Variants in GRIN2C observed in about 807,000 individuals in gnomAD.
GRIN2C encodes the protein glutamate ionotropic receptor NMDA type subunit 2C.
GRIN2C carries 64 observed loss-of-function variants against 77.7 expected under a neutral mutation model. The observed-to-expected ratio is 0.82, with a 90% confidence interval of 0.67 to 1.01. The LOEUF is 1.01. Among genes scored for constraint, GRIN2C ranks in the 50% least tolerant of loss-of-function variants. The pLI, the probability that GRIN2C is intolerant of heterozygous loss-of-function variation, is 0.00. For missense variants in GRIN2C, 1,549 were observed against 1,486.0 expected (o/e 1.04, Z -0.70); for synonymous variants, 792 against 643.4 (o/e 1.23, Z -3.49).
intron 1 of GRIN2C, among the ~76,000 whole-genome samples, 198 bp from the exon 2 acceptor site, chr17:74,855,305 A>G (rs2037791569): frequency 6.6e-6 from 1 of 152,150 alleles, no homozygotes; most frequent in South Asian, 2.1e-4. Flanking sequence ...TTAGTTGAGC[A>G]TCCCAAGGGC....
rs1268438849 is a variant in GRIN2C at position 74,847,929 on chromosome 17, G to A, written c.1694C>T (p.Thr565Ile). 16 of 1,613,822 alleles carry A rather than the reference G, an allele frequency of 9.9e-6. No individual in the cohort carries two copies. Among genetic ancestry groups the A allele is most frequent in the East Asian group, 2.2e-5 (1 of 44,892 alleles). The change falls in exon 8 of 13, where the codon ACT (threonine) becomes ATT (isoleucine). Residue 565 changes from threonine (T) to isoleucine (I), a missense_variant. This residue lies in a region of GRIN2C where 717 missense variants were observed against 858.1 expected (regional missense o/e 0.84). Coordinates refer to ENST00000293190, the MANE Select transcript of GRIN2C (RefSeq NM_000835.6). The surrounding 1 kb of genome is among the most constrained non-coding windows in gnomAD (Gnocchi z 5.2). ...VWVMMFVMCL[T>I]VVAITVFMFE... ...CATGAAGACGGTGATGGCCACCACA[G>A]TGAGGCACATGACAAACATCATCAC...
chr17:74,855,132 A>G, intron 1 of GRIN2C, 25 bp from the exon 2 acceptor site: 1 of 1,518,674 alleles, frequency 6.6e-7, no homozygotes, highest in Non-Finnish European at 8.8e-7. Context: ...GAACAAGCAC[A>G]GGGAGAGAGA....
rs369752254 is a variant in GRIN2C at position 74,855,064 on chromosome 17, A to C, written c.29T>G (p.Leu10Trp). The C allele has an allele frequency of 6.3e-7, 1 of 1,594,718 alleles. No homozygotes were observed. Residue 10 changes from leucine (L) to tryptophan (W), a missense_variant, in exon 2 of 13, where the codon TTG becomes TGG. By Grantham distance (61) the Leu-to-Trp change is moderately conservative. Coordinates refer to ENST00000293190, the MANE Select transcript of GRIN2C (RefSeq NM_000835.6). The stretch of plus-strand genomic sequence containing the variant: ...CCAGGCACCGAAGAGCGAGGTGAGC[A>C]ACAGGGCCGGCCCCAGGGCCCCACC... MGGALGPAL[L>W]LTSLFGAWAG...
Position 74,846,027 on chromosome 17 carries a change from A to G in GRIN2C, c.2350+39T>C, listed in dbSNP as rs1254769344. ...GGAAATGCTGACAACCTTGGGCTCC[A>G]CAGCCCACCCTGGGCATCCCAGCAA... On this transcript the variant is annotated intron_variant, in intron 11 of 12. Transcript: ENST00000293190. The surrounding 1 kb of genome is among the most constrained non-coding windows in gnomAD (Gnocchi z 4.4). The G allele has an allele frequency of 1.3e-6, 2 of 1,587,156 alleles. No individual in the cohort carries two copies. Among genetic ancestry groups the G allele is most frequent in the South Asian group, 1.1e-5 (1 of 90,418 alleles).
In GRIN2C at chr17:74,842,692, C is replaced by T. The variant is rs763817916; in HGVS notation, c.3445G>A (p.Val1149Ile). Residue 1149 changes from valine (V) to isoleucine (I), a missense_variant, in exon 13 of 13, where the codon GTC (valine) becomes ATC (isoleucine). Physicochemically the swap from Val to Ile is conservative, Grantham distance 29. Transcript: ENST00000293190. ...AGGTGGGCGTGGGCGTGCAGGCAGA[C>T]GTGCTGTCTGTGCTGCCAGGCGGGG... Reference protein sequence around the residue: ...GAPAWQHRQHVCLHAHAHLPF... With the variant: ...GAPAWQHRQHICLHAHAHLPF... The T allele has an allele frequency of 2.8e-6, 2 of 725,664 alleles. No individual in the cohort carries two copies. Among genetic ancestry groups the T allele is most frequent in the African/African-American group, 1.7e-5 (1 of 57,822 alleles). The allele number at this position is 725,664 out of a possible 1,614,324, so 45.0% of individuals were successfully genotyped here.
At chr17:74,845,958 G>C in intron 11 of GRIN2C, 108 bp downstream of exon 11, 1 of 1,030,574 alleles carries the variant, frequency 9.7e-7, no homozygotes. Flanking sequence ...TCACCCCCCA[G>C]AGACCTCTCC....
rs536614481 is a variant in GRIN2C at position 74,847,822 on chromosome 17, C to G, written c.1771+30G>C. The G allele has an allele frequency of 1.2e-6, 2 of 1,612,878 alleles. No homozygotes were observed. The highest frequency in any genetic ancestry group is 1.7e-6 in the Non-Finnish European group (2 of 1,179,254). On this transcript the variant is annotated intron_variant, in intron 8 of 12. Coordinates refer to ENST00000293190, the MANE Select transcript of GRIN2C (RefSeq NM_000835.6). This position sits in a 1 kb window ranked among gnomAD's most constrained non-coding sequence, Gnocchi z 5.2. ...CCAGCCCTCAGGGTGCCCAGGCCCA[C>G]CCCTCCTGCCGGGCCCAGGCAAGGC... is the stretch of plus-strand genomic sequence containing the variant.
In GRIN2C at chr17:74,851,800, A is replaced by C; in HGVS notation, c.999-109T>G. On this transcript the variant is annotated intron_variant, in intron 3 of 12. Coordinates refer to ENST00000293190, the MANE Select transcript of GRIN2C (RefSeq NM_000835.6). Reference sequence around the variant, plus strand: ...TGGCATTGATTGTGTTTATTGTTCAAAGTGCTTCCCTATATTGGCCCCACG... The same window carrying C: ...TGGCATTGATTGTGTTTATTGTTCACAGTGCTTCCCTATATTGGCCCCACG... The C allele has an allele frequency of 1.8e-5, 14 of 764,564 alleles. No homozygotes were observed. The South Asian group carries it at 2.0e-4, about 11-fold the overall frequency. 47.4% of individuals were successfully genotyped at this position (764,564 alleles called of 1,614,324 possible).
At chr17:74,860,964 C>T (rs1026365641), upstream of GRIN2C, 2 of 171,092 alleles carry the variant, frequency 1.2e-5, no homozygotes, top group African/African-American at 4.8e-5. Context: ...GACTCCTTTC[C>T]AACCCCTCGC....
rs2037508099 is a variant in GRIN2C, at chr17:74,847,739, C to T, written c.1771+113G>A. ...CATCTGACTGGCCCCCAGCATGTGC[C>T]ATCCAAAAGCAAGGGACCTCCCAAA... is the stretch of plus-strand genomic sequence containing the variant. On this transcript the variant is annotated intron_variant, in intron 8 of 12. Transcript: ENST00000293190. The surrounding 1 kb of genome is among the most constrained non-coding windows in gnomAD (Gnocchi z 5.2). 3 of 1,095,304 alleles carry T rather than the reference C, an allele frequency of 2.7e-6. No individual in the cohort carries two copies. Among genetic ancestry groups the T allele is most frequent in the African/African-American group, 1.5e-5 (1 of 64,534 alleles). The allele number at this position is 1,095,304 out of a possible 1,614,324, so 67.8% of individuals were successfully genotyped here. A position where few individuals can be genotyped will look rare whatever the true frequency, so the allele number is the denominator to read the frequency against.
chr17:74,853,447 G>T (rs1184296550), intron 2 of GRIN2C: 2 of 152,228 alleles, frequency 1.3e-5, no homozygotes, highest in African/African-American at 2.4e-5. Context: ...CAAACAGGCT[G>T]CAAAATAAAC....
In GRIN2C at chr17:74,842,572, C is replaced by G. The variant is rs1305707015; in HGVS notation, c.3565G>C (p.Gly1189Arg). 2.6e-6 allele frequency: 2 copies of G among 772,150 alleles called. No individual in the cohort carries two copies. The highest frequency in any genetic ancestry group is 4.8e-6 in the Non-Finnish European group (2 of 416,040). 47.8% of individuals were successfully genotyped at this position (772,150 alleles called of 1,614,324 possible). ...SGAWGPLGHR[G>R]RTLGLGTGYR... Reference sequence around the variant, plus strand: ...CCTGTGCCCAGCCCCAGAGTCCTGCCCCTGTGCCCCAGAGGCCCCCAGGCC... The same window carrying G: ...CCTGTGCCCAGCCCCAGAGTCCTGCGCCTGTGCCCCAGAGGCCCCCAGGCC... Residue 1189 changes from glycine to arginine, a missense_variant, in exon 13 of 13, where the codon GGC becomes CGC. By Grantham distance (125) the Gly-to-Arg change is moderately radical. This residue lies in a region of GRIN2C where 450 missense variants were observed against 267.9 expected (regional missense o/e 1.68). Coordinates refer to ENST00000293190, the MANE Select transcript of GRIN2C (RefSeq NM_000835.6).
At chr17:74,848,699 CA>C (rs61135807) in intron 7 of GRIN2C, among the ~76,000 whole-genome samples, 42,758 of 150,148 alleles carry the variant, frequency 0.28, 6,260 homozygotes, top group East Asian at 0.41. Context: ...GACTCATTCT[CA>C]AAAAAAAAGG....
intron 1 of GRIN2C, 112 bp from the exon 2 acceptor site, chr17:74,855,219 G>A: frequency 4.9e-6 from 4 of 824,526 alleles, no homozygotes; most frequent in Admixed American, 3.1e-5. Context: ...AGAGAAGAGG[G>A]GAAAACCTCC....
chr17:74,843,469 G>A lies in GRIN2C; in HGVS notation c.2668C>T (p.Gln890Ter). 6.5e-7 allele frequency: 1 copy of A among 1,534,544 alleles called. No homozygotes were observed. The highest frequency in any genetic ancestry group is 8.7e-7 in the Non-Finnish European group (1 of 1,146,382). ...TGCAGCATCTTGAGCACGCTGGCCTGGGCCGAGCTGGCCGTGAGGTCCGGG... is the reference window on the plus strand; with the variant it reads ...TGCAGCATCTTGAGCACGCTGGCCTAGGCCGAGCTGGCCGTGAGGTCCGGG... ...ASPDLTASSAQASVLKMLQAA... is the reference protein window; with the variant it reads ...ASPDLTASSA The change falls in exon 13 of 13, where the codon CAG becomes TAG. Residue 890 changes from glutamine to a stop codon, truncating the protein, a stop_gained. Transcript: ENST00000293190. LOFTEE classifies it low-confidence loss of function (END_TRUNC).
Position 74,852,567 on chromosome 17 carries a change from C to T in GRIN2C, c.444G>A (p.Gln148=). 1 of 1,499,728 alleles carries T rather than the reference C, an allele frequency of 6.7e-7. No homozygotes were observed. Among genetic ancestry groups the T allele is most frequent in the Non-Finnish European group, 8.9e-7 (1 of 1,126,716 alleles). 92.9% of individuals were successfully genotyped at this position (1,499,728 alleles called of 1,614,324 possible). ...GCACCTTGAACAGCACCTGCAGCTG[C>T]TGCTCCAGGGACACGCCCAGCTGCA... ...AFLQLGVSLE[Q]QLQVLFKVLE... is the part of the protein sequence containing the mutation. The change falls in exon 3 of 13, where the codon CAG becomes CAA. Residue 148 remains glutamine, a synonymous_variant. Coordinates refer to ENST00000293190, the MANE Select transcript of GRIN2C (RefSeq NM_000835.6).
Position 74,849,602 on chromosome 17 carries a change from C to T in GRIN2C, c.1645+178G>A, listed in dbSNP as rs1281040924. ...CCTGGCAGCCATACCTAGAACCGAA[C>T]ACTGACTTCACTTCTCCTGTCTCCT... On this transcript the variant is annotated intron_variant, in intron 7 of 12. Coordinates refer to ENST00000293190, the MANE Select transcript of GRIN2C (RefSeq NM_000835.6). This position sits in a 1 kb window ranked among gnomAD's most constrained non-coding sequence, Gnocchi z 4.6. 6.6e-6 allele frequency among the ~76,000 whole-genome samples: 1 copy of T among 152,114 alleles called. No homozygotes were observed. The highest frequency in any genetic ancestry group is 1.5e-5 in the Non-Finnish European group (1 of 68,018).
Position 74,847,280 on chromosome 17 carries a change from C to G in GRIN2C, c.2001+28G>C. The G allele has an allele frequency of 8.9e-7, 1 of 1,129,766 alleles. No homozygotes were observed. The highest frequency in any genetic ancestry group is 1.3e-6 in the Non-Finnish European group (1 of 747,076). 70.0% of individuals were successfully genotyped at this position (1,129,766 alleles called of 1,614,324 possible). Reference sequence around the variant, plus strand: ...CTGTCCCCACCCTCAGTGCCCCCCCCCACCCCCAGCAGCTATGGCCCCACA... The same window carrying G: ...CTGTCCCCACCCTCAGTGCCCCCCCGCACCCCCAGCAGCTATGGCCCCACA... On this transcript the variant is annotated intron_variant, in intron 9 of 12. Coordinates refer to ENST00000293190, the MANE Select transcript of GRIN2C (RefSeq NM_000835.6). This position sits in a 1 kb window ranked among gnomAD's most constrained non-coding sequence, Gnocchi z 5.2.
In GRIN2C at chr17:74,854,787, C is replaced by T; in HGVS notation, c.306G>A (p.Glu102=). Reference sequence around the variant, plus strand: ...TGAAGTCAAGGATCTGGGCCACCGCCTCGGTGTCCACGTTGTCCTCAAAGA... The same window carrying T: ...TGAAGTCAAGGATCTGGGCCACCGCTTCGGTGTCCACGTTGTCCTCAAAGA... ...GIVFEDNVDT[E]AVAQILDFIS... The change falls in exon 2 of 13, where the codon GAG becomes GAA. Residue 102 remains glutamate, a synonymous_variant. Transcript: ENST00000293190. The T allele has an allele frequency of 6.2e-7, 1 of 1,613,714 alleles. No individual in the cohort carries two copies. The highest frequency in any genetic ancestry group is 8.5e-7 in the Non-Finnish European group (1 of 1,179,628).
Sources: gnomAD v4.1 joint callset for allele counts (sites outside exome capture counted in the v4.1 genomes callset) on GRCh38, gnomAD v4.1.1 for gene constraint, gnomAD v4.1.1 regional missense constraint, Gnocchi (gnomAD v3.1) non-coding constraint, MANE v1.5 for transcripts, NCBI Gene and HGNC (gene_info 2026-07-23, HGNC 2026-07-21) for gene names.